The following NWD2 variants were observed in gnomAD, a reference collection of about 807,000 sequenced individuals.
NWD2 encodes the protein NACHT and WD repeat domain containing 2.
In NWD2, 37 loss-of-function variants were observed where a neutral mutation model predicts 132.7. The ratio of observed to expected loss-of-function variants is 0.28; its 90% CI spans 0.21 to 0.37. The LOEUF is 0.37. Ranked by LOEUF, NWD2 falls within the 10% of genes least tolerant of loss-of-function variation. The pLI is 1.00. For missense variants in NWD2, 1,592 were observed against 2,122.4 expected, an observed-to-expected ratio of 0.75 and a Z score of 4.91; for synonymous variants, 705 against 803.0, an observed-to-expected ratio of 0.88 and a Z score of 2.06.
At chr4:37,252,388 T>C (rs930339416) in intron 1 of NWD2, among the ~76,000 whole-genome samples, 5 of 152,264 alleles carry the variant, frequency 3.3e-5, no homozygotes, top group Non-Finnish European at 7.3e-5. Flanking sequence ...AAAATTCTTC[T>C]GTAAGCAGTG....
At chr4:37,374,196 T>C (rs1413945896) in intron 3 of NWD2, among the ~76,000 whole-genome samples, 3 of 152,154 alleles carry the variant, frequency 2.0e-5, no homozygotes, top group African/African-American at 7.2e-5. Context: ...GAGAGCTGAT[T>C]TAAAGAGCCT....
At chr4:37,266,970 G>A (rs2109261502) in intron 1 of NWD2, among the ~76,000 whole-genome samples, 1 of 152,090 alleles carries the variant, frequency 6.6e-6, no homozygotes, top group South Asian at 2.1e-4. Flanking sequence ...GAAATTAAGT[G>A]CACTATGGAG....
rs563855903 is a variant in NWD2 at position 37,273,292 on chromosome 4, T to C, written c.151+28074T>C. ...CAGGGGTTGCAATCCTAGGCTCTGA[T>C]AAAACAGATTTTAAACCAACAAAGA... On this transcript the variant is annotated intron_variant, in intron 1 of 6. Transcript: ENST00000309447. 5.3e-5 allele frequency among the ~76,000 whole-genome samples: 8 copies of C among 152,110 alleles called. No individual in the cohort carries two copies. In the East Asian group the frequency reaches 1.5e-3, roughly 29 times the overall value.
chr4:37,309,444 A>C (rs550898855), intron 1 of NWD2, among the ~76,000 whole-genome samples: 9 of 152,142 alleles, frequency 5.9e-5, no homozygotes, highest in Non-Finnish European at 1.2e-4. Flanking sequence ...AACTGGAATC[A>C]CAGCCCTGTA....
intron 1 of NWD2, among the ~76,000 whole-genome samples, chr4:37,293,885 T>TA (rs10579771): frequency 0.38 from 55,251 of 146,304 alleles, 10,313 homozygotes; most frequent in South Asian, 0.4. Flanking sequence ...ACACTGCATT[T>TA]AAAAAAAAAA....
intron 3 of NWD2, among the ~76,000 whole-genome samples, chr4:37,414,507 A>AT (rs1721224991): frequency 6.6e-6 from 1 of 151,862 alleles, no homozygotes; most frequent in African/African-American, 2.4e-5. Flanking sequence ...AAGATAAATT[A>AT]CCTTTATGCT....
intron 3 of NWD2, among the ~76,000 whole-genome samples, chr4:37,414,919 G>A (rs1711543555): frequency 6.6e-6 from 1 of 152,126 alleles, no homozygotes; most frequent in Admixed American, 6.5e-5. Flanking sequence ...TACAGATAAG[G>A]GAGCACACTG....
chr4:37,365,866 C>T (rs1285875117), intron 3 of NWD2, among the ~76,000 whole-genome samples: 6 of 151,948 alleles, frequency 3.9e-5, no homozygotes. Flanking sequence ...AAAAAGTGGA[C>T]GGGAGAGTAC....
chr4:37,443,746 G>A lies in NWD2; in HGVS notation c.1758G>A (p.Leu586=), dbSNP rs1560257285. The A allele has an allele frequency of 6.4e-7, 1 of 1,551,968 alleles. No homozygotes were observed. Among genetic ancestry groups the A allele is most frequent in the Non-Finnish European group, 8.7e-7 (1 of 1,147,094 alleles). ...MCSQVLKHQL[L]RVKRKVTSGQ... ...GCCAGGTCCTCAAACACCAGCTGCT[G>A]CGCGTCAAAAGGAAGGTCACATCAG... The change falls in exon 7 of 7, where the codon CTG becomes CTA. Residue 586 remains leucine, a synonymous_variant. Coordinates refer to ENST00000309447, the MANE Select transcript of NWD2 (RefSeq NM_001144990.2). The surrounding 1 kb of genome is among the most constrained non-coding windows in gnomAD (Gnocchi z 4.1).
intron 1 of NWD2, among the ~76,000 whole-genome samples, chr4:37,296,602 A>G (rs1423042226): frequency 2.6e-5 from 4 of 152,160 alleles, no homozygotes; most frequent in African/African-American, 9.7e-5. Context: ...AGAAACCCAA[A>G]GATCGTATGT....
intron 3 of NWD2, among the ~76,000 whole-genome samples, chr4:37,416,160 C>A (rs1711594837): frequency 6.6e-6 from 1 of 152,178 alleles, no homozygotes; most frequent in Non-Finnish European, 1.5e-5. Context: ...GTGGGCCAGG[C>A]ATTGTGCAAT....
Position 37,446,896 on chromosome 4 carries a change from T to A in NWD2, c.4908T>A (p.Asp1636Glu), listed in dbSNP as rs140919154. Residue 1636 changes from aspartate (D) to glutamate (E), a missense_variant, in exon 7 of 7, where the codon GAT becomes GAA. By Grantham distance (45) the Asp-to-Glu change is conservative. This residue lies in a region of NWD2 where 257 missense variants were observed against 335.0 expected (regional missense o/e 0.77). Transcript: ENST00000309447. The surrounding 1 kb of genome is among the most constrained non-coding windows in gnomAD (Gnocchi z 6.7). ...ACCTGAACATCATTGTGGGCTTTGA[T>A]GATGGGAGTATAGGGATCTACACGG... ...QRHLNIIVGF[D>E]DGSIGIYTVV... is the part of the protein sequence containing the mutation. The A allele has an allele frequency of 6.2e-5, 96 of 1,551,750 alleles. 2 individuals carry two copies. The East Asian group carries it at 2.3e-3, about 38-fold the overall frequency.
chr4:37,306,421 G>A (rs1229178404), intron 1 of NWD2, among the ~76,000 whole-genome samples: 1 of 151,852 alleles, frequency 6.6e-6, no homozygotes, highest in Non-Finnish European at 1.5e-5. Flanking sequence ...TTGTTTATTT[G>A]AAATATTTCT....
intron 3 of NWD2, among the ~76,000 whole-genome samples, chr4:37,376,084 G>T (rs1456580402): frequency 1.3e-5 from 2 of 152,116 alleles, no homozygotes; most frequent in Non-Finnish European, 1.5e-5. Context: ...AAATATTGAT[G>T]AATTTAACAT....
chr4:37,289,636 T>A (rs1404308295), intron 1 of NWD2, among the ~76,000 whole-genome samples: 2 of 152,246 alleles, frequency 1.3e-5, no homozygotes, highest in African/African-American at 4.8e-5. Context: ...TTTACGGTTC[T>A]CTTCATTTGT....
At chr4:37,388,703 T>TATCGTATATATCATATATAAATATAC (rs1327885590) in intron 3 of NWD2, among the ~76,000 whole-genome samples, 1 of 147,430 alleles carries the variant, frequency 6.8e-6, no homozygotes, top group African/African-American at 2.5e-5. Flanking sequence ...TATAAATATA[T>TATCGTATATATCATATATAAATATAC]GATATATAAA....
At chr4:37,285,081 T>C (rs145274584) in intron 1 of NWD2, among the ~76,000 whole-genome samples, 1 of 152,240 alleles carries the variant, frequency 6.6e-6, no homozygotes, top group Non-Finnish European at 1.5e-5. Context: ...CCATACAATG[T>C]TAACACTCGT....
intron 2 of NWD2, among the ~76,000 whole-genome samples, chr4:37,349,520 T>C (rs1228459458): frequency 6.6e-6 from 1 of 152,226 alleles, no homozygotes; most frequent in African/African-American, 2.4e-5. Flanking sequence ...TGCCCACTTT[T>C]TGATTGGGTT....
At chr4:37,264,073 T>C (rs1239286861) in intron 1 of NWD2, among the ~76,000 whole-genome samples, 1 of 152,182 alleles carries the variant, frequency 6.6e-6, no homozygotes. Context: ...CAGATTGGAC[T>C]GACCAACCCA....
Sources: allele counts gnomAD v4.1 joint callset (sites outside exome capture counted in the v4.1 genomes callset), GRCh38; gene constraint gnomAD v4.1.1; regional missense constraint gnomAD v4.1.1; non-coding constraint Gnocchi (gnomAD v3.1); transcripts MANE v1.5; gene names NCBI Gene and HGNC (gene_info 2026-07-23, HGNC 2026-07-21).